CEMIP2: variants seen among roughly 807,000 people sequenced by gnomAD.
CEMIP2 encodes the protein cell migration inducing hyaluronidase 2, also known as cell surface hyaluronidase CEMIP2.
In CEMIP2, 79 loss-of-function variants were observed where a neutral mutation model predicts 146.9. The ratio of observed to expected loss-of-function variants is 0.54; its 90% CI spans 0.45 to 0.65. CEMIP2 has a LOEUF of 0.65. Among genes scored for constraint, CEMIP2 ranks in the 30% least tolerant of loss-of-function variants. CEMIP2 has a pLI of 0.00. For missense variants in CEMIP2, 1,596 were observed against 1,696.2 expected (o/e 0.94, Z 1.04); for synonymous variants, 601 against 606.3 (o/e 0.99, Z 0.13).
intron 11 of CEMIP2, among the ~76,000 whole-genome samples, chr9:71,723,708 C>T (rs1276104675): frequency 1.3e-5 from 2 of 152,122 alleles, no homozygotes; most frequent in Non-Finnish European, 2.9e-5. Flanking sequence ...GTAGGATAAG[C>T]CTGACCAACC....
chr9:71,729,620 GAA>G (rs201829829), intron 10 of CEMIP2, among the ~76,000 whole-genome samples: 1 of 130,068 alleles, frequency 7.7e-6, no homozygotes, highest in African/African-American at 2.9e-5. Flanking sequence ...TCTGTCTCGA[GAA>G]AAAAAAAAAA....
At chr9:71,760,684 C>T (rs1021376283) in intron 1 of CEMIP2, among the ~76,000 whole-genome samples, 9 of 151,158 alleles carry the variant, frequency 6.0e-5, no homozygotes, top group Non-Finnish European at 1.2e-4. Flanking sequence ...ACAGACCAAG[C>T]GGGGAGGAAG....
chr9:71,706,570 TTAC>T (rs1822745735), intron 17 of CEMIP2, among the ~76,000 whole-genome samples: 1 of 152,196 alleles, frequency 6.6e-6, no homozygotes, highest in African/African-American at 2.4e-5. Context: ...ACTGAATGCT[TTAC>T]TGAGTGAATG....
intron 4 of CEMIP2, among the ~76,000 whole-genome samples, chr9:71,743,788 T>C (rs181596459): frequency 1.3e-5 from 2 of 152,322 alleles, no homozygotes. Flanking sequence ...TAAAAGCCAT[T>C]TCTAAAATGT....
At chr9:71,738,552 A>T (rs1823825596) in intron 5 of CEMIP2, among the ~76,000 whole-genome samples, 2 of 151,250 alleles carry the variant, frequency 1.3e-5, no homozygotes, top group Admixed American at 1.3e-4. Context: ...TTAGAAAAAG[A>T]TGACTAACCG....
At chr9:71,761,645 A>T (rs1403641425) in intron 1 of CEMIP2, among the ~76,000 whole-genome samples, 2 of 152,238 alleles carry the variant, frequency 1.3e-5, no homozygotes, top group Non-Finnish European at 2.9e-5. Context: ...AACAGGGCAC[A>T]AGGTCAGCTT....
At chr9:71,691,114 T>C (rs1822212881) in intron 21 of CEMIP2, among the ~76,000 whole-genome samples, 1 of 152,232 alleles carries the variant, frequency 6.6e-6, no homozygotes, top group African/African-American at 2.4e-5. Context: ...TAATCACTTT[T>C]GATCTCACTG....
chr9:71,765,968 T>C (rs776920075), intron 1 of CEMIP2, among the ~76,000 whole-genome samples: 1 of 152,220 alleles, frequency 6.6e-6, no homozygotes. Context: ...GCAATGCTCA[T>C]ACATATTTTA....
At chr9:71,769,393 G>C (rs893129415), upstream of CEMIP2, among the ~76,000 whole-genome samples, 5 of 152,256 alleles carry the variant, frequency 3.3e-5, no homozygotes, top group Admixed American at 6.5e-5. Flanking sequence ...CGAGCGCCAG[G>C]TTCTCAGCGC....
chr9:71,703,464 G>T (rs1443690905), intron 18 of CEMIP2, among the ~76,000 whole-genome samples: 1 of 152,176 alleles, frequency 6.6e-6, no homozygotes, highest in African/African-American at 2.4e-5. Flanking sequence ...CCTTGGAAGT[G>T]ACTTTCTTAA....
At chr9:71,746,990 C>T (rs1296070583) in intron 2 of CEMIP2, among the ~76,000 whole-genome samples, 1 of 152,184 alleles carries the variant, frequency 6.6e-6, no homozygotes, top group African/African-American at 2.4e-5. Context: ...CTGAGTGATA[C>T]GCAAGTTTCC....
At chr9:71,694,654 C>T (rs1346512932) in intron 20 of CEMIP2, 47 bp from the exon 21 acceptor site, 1 of 1,239,984 alleles carries the variant, frequency 8.1e-7, no homozygotes, top group South Asian at 1.2e-5. Context: ...TTACCTTCCT[C>T]CAAAAGGTTC....
chr9:71,769,207 G>T (rs375362100), upstream of CEMIP2, among the ~76,000 whole-genome samples: 7 of 152,178 alleles, frequency 4.6e-5, no homozygotes, highest in East Asian at 1.9e-4. Context: ...CTGGTACTGC[G>T]CCTGTCACTC....
chr9:71,693,620 A>T (rs3780606), intron 21 of CEMIP2, among the ~76,000 whole-genome samples: 1 of 152,182 alleles, frequency 6.6e-6, no homozygotes, highest in Non-Finnish European at 1.5e-5. Flanking sequence ...CAGGAAAAAA[A>T]CATTTCTTAA....
chr9:71,692,919 A>AAATGACAACAAC (rs1563993606), intron 21 of CEMIP2, among the ~76,000 whole-genome samples: 2 of 47,168 alleles, frequency 4.2e-5, no homozygotes, highest in African/African-American at 3.8e-4. Flanking sequence ...ACAAACAAAC[A>AAATGACAACAAC]AACGACAACA....
intron 10 of CEMIP2, among the ~76,000 whole-genome samples, chr9:71,728,185 G>A (rs1188027541): frequency 7.7e-6 from 1 of 129,170 alleles, no homozygotes; most frequent in Admixed American, 7.9e-5. Flanking sequence ...GGTCAACACA[G>A]CGAAACCTTC....
intron 16 of CEMIP2, 142 bp from the exon 17 acceptor site, chr9:71,709,616 T>C (rs1223285467): frequency 2.9e-6 from 2 of 683,848 alleles, no homozygotes; most frequent in Non-Finnish European, 4.9e-6. Context: ...TTGTCAGCTA[T>C]GGCACTCAAG....
At chr9:71,686,533 ACC>A (rs1159855488) in intron 22 of CEMIP2, 1 of 151,810 alleles carries the variant, frequency 6.6e-6, no homozygotes, top group Non-Finnish European at 1.5e-5. Flanking sequence ...ATCCCCCTTC[ACC>A]TCCAGTCCAT....
chr9:71,765,565 A>G (rs1824765970), intron 1 of CEMIP2, among the ~76,000 whole-genome samples: 1 of 152,196 alleles, frequency 6.6e-6, no homozygotes, highest in South Asian at 2.1e-4. Context: ...TACTTCTGAC[A>G]CTAGTTTTCA....
Sources: allele counts gnomAD v4.1 joint callset (sites outside exome capture counted in the v4.1 genomes callset), GRCh38; gene constraint gnomAD v4.1.1; transcripts MANE v1.5; gene names NCBI Gene and HGNC (gene_info 2026-07-23, HGNC 2026-07-21).